Variants in CTNNA2 observed in about 807,000 individuals in gnomAD.
CTNNA2 encodes the protein catenin alpha-2.
A neutral mutation model predicts 101.0 loss-of-function variants in CTNNA2; 42 were observed. That is an observed-to-expected ratio of 0.42 (90% CI 0.32 to 0.54). The LOEUF is 0.54. Ranked by LOEUF, CTNNA2 falls within the 20% of genes least tolerant of loss-of-function variation. The pLI, the probability that CTNNA2 is intolerant of heterozygous loss-of-function variation, is 0.14. For missense variants in CTNNA2, 871 were observed against 1,223.1 expected (o/e 0.71, Z 4.29); for synonymous variants, 450 against 456.4 (o/e 0.99, Z 0.18).
chr2:80,449,089 G>A (rs543774401), intron 9 of CTNNA2, among the ~76,000 whole-genome samples: 1 of 152,186 alleles, frequency 6.6e-6, no homozygotes, highest in African/African-American at 2.4e-5. Flanking sequence ...ACAATCAGTA[G>A]CAGCCTGCTT....
chr2:79,659,797 G>C (rs1429009885), intron 2 of CTNNA2, among the ~76,000 whole-genome samples: 1 of 152,160 alleles, frequency 6.6e-6, no homozygotes, highest in African/African-American at 2.4e-5. Flanking sequence ...AGGAGTTCGA[G>C]ACCAACCTGG....
chr2:79,257,416 T>C (rs755506061), intron 2 of CTNNA2, among the ~76,000 whole-genome samples: 1 of 151,824 alleles, frequency 6.6e-6, no homozygotes, highest in African/African-American at 2.4e-5. Context: ...AATAATACTT[T>C]AATAGAACTC....
At chr2:79,745,659 C>A (rs1284415332) in intron 3 of CTNNA2, among the ~76,000 whole-genome samples, 1 of 152,102 alleles carries the variant, frequency 6.6e-6, no homozygotes, top group East Asian at 1.9e-4. Flanking sequence ...CTCTAAATAC[C>A]TCATATAAGT....
intron 7 of CTNNA2, among the ~76,000 whole-genome samples, chr2:80,157,119 T>C (rs140947568): frequency 1.3e-5 from 2 of 152,298 alleles, no homozygotes; most frequent in Non-Finnish European, 2.9e-5. Flanking sequence ...TTTTCTTTCC[T>C]TGTTGCAAAC....
At chr2:80,462,631 CTTTTT>C (rs753815778) in intron 9 of CTNNA2, among the ~76,000 whole-genome samples, 1 of 94,772 alleles carries the variant, frequency 1.1e-5, no homozygotes, top group Non-Finnish European at 1.9e-5. Context: ...TTCTTTCTTT[CTTTTT>C]TTTTTTTTTT....
At chr2:79,318,972 A>G (rs553307534) in intron 3 of CTNNA2, among the ~76,000 whole-genome samples, 17 of 152,312 alleles carry the variant, frequency 1.1e-4, no homozygotes, top group Non-Finnish European at 2.4e-4. Context: ...CAGAGCTAAT[A>G]GTCACTTAGA....
At chr2:79,925,696 A>C (rs186108853) in intron 7 of CTNNA2, among the ~76,000 whole-genome samples, 54 of 152,172 alleles carry the variant, frequency 3.5e-4, no homozygotes, top group Non-Finnish European at 4.9e-4. Flanking sequence ...TGACCAGGAG[A>C]GAGGAATGAG....
At position 80,238,288 on chromosome 2, in the gene CTNNA2, G is replaced by A. The variant is rs118052714; in HGVS notation, c.1057-154923G>A. Among the ~76,000 whole-genome samples, 34 of 152,252 alleles carry A rather than the reference G, an allele frequency of 2.2e-4. No homozygotes were observed. The East Asian group carries it at 6.4e-3, about 29-fold the overall frequency. ...GGGGCTGACAGCACGTTGTGCAGTC[G>A]AGTTCATGTAGCCACTTCCTGCACA... On this transcript the variant is annotated intron_variant, in intron 7 of 18. Coordinates refer to ENST00000402739, the MANE Select transcript of CTNNA2 (RefSeq NM_001282597.3).
chr2:79,448,112 A>G (rs555623079), intron 4 of CTNNA2, among the ~76,000 whole-genome samples: 1 of 152,208 alleles, frequency 6.6e-6, no homozygotes, highest in East Asian at 1.9e-4. Flanking sequence ...CTAGATATAT[A>G]ACACATAAAT....
At chr2:79,924,093 G>A (rs1245685018) in intron 7 of CTNNA2, among the ~76,000 whole-genome samples, 2 of 152,034 alleles carry the variant, frequency 1.3e-5, no homozygotes, top group East Asian at 1.9e-4. Context: ...AATGGATAAA[G>A]AAAATGTGAT....
intron 3 of CTNNA2, among the ~76,000 whole-genome samples, chr2:79,319,489 C>T (rs1676568354): frequency 6.6e-6 from 1 of 152,018 alleles, no homozygotes; most frequent in African/African-American, 2.4e-5. Context: ...TTTACTGCCT[C>T]CTCTGAATAT....
At chr2:80,346,096 T>G (rs985766056) in intron 7 of CTNNA2, among the ~76,000 whole-genome samples, 11 of 152,144 alleles carry the variant, frequency 7.2e-5, no homozygotes, top group African/African-American at 2.7e-4. Context: ...TCAGATCTGT[T>G]TATTTATTTT....
intron 3 of CTNNA2, among the ~76,000 whole-genome samples, chr2:79,831,501 T>A (rs550209242): frequency 3.3e-5 from 5 of 152,302 alleles, no homozygotes; most frequent in African/African-American, 1.2e-4. Flanking sequence ...TTTGTCTGTG[T>A]TGCTTCACAT....
intron 18 of CTNNA2, among the ~76,000 whole-genome samples, chr2:80,626,625 G>T (rs1671709882): frequency 6.6e-6 from 1 of 152,068 alleles, no homozygotes; most frequent in African/African-American, 2.4e-5. Context: ...GAGCAACCAA[G>T]ACAGGATGCT....
chr2:80,176,833 AG>A (rs1361757153), intron 7 of CTNNA2, among the ~76,000 whole-genome samples: 1 of 152,160 alleles, frequency 6.6e-6, no homozygotes, highest in Non-Finnish European at 1.5e-5. Flanking sequence ...ACTTAGAGGT[AG>A]GGGGAGCCCA....
At chr2:79,389,406 T>A (rs1190063984) in intron 4 of CTNNA2, among the ~76,000 whole-genome samples, 2 of 152,186 alleles carry the variant, frequency 1.3e-5, no homozygotes, top group Non-Finnish European at 2.9e-5. Context: ...ACTACTGCAC[T>A]TCACAGATAA....
intron 7 of CTNNA2, among the ~76,000 whole-genome samples, chr2:79,969,672 G>T (rs1690334788): frequency 6.6e-6 from 1 of 152,170 alleles, no homozygotes; most frequent in Non-Finnish European, 1.5e-5. Context: ...AACTTAAACA[G>T]TGGTGGTAGG....
chr2:79,695,707 G>A (rs1038384565), intron 2 of CTNNA2, among the ~76,000 whole-genome samples: 9 of 151,934 alleles, frequency 5.9e-5, no homozygotes, highest in African/African-American at 1.7e-4. Context: ...AAAAGGAGGG[G>A]CAGCATGCTG....
At chr2:79,833,572 G>A (rs1679087114) in intron 3 of CTNNA2, among the ~76,000 whole-genome samples, 1 of 152,172 alleles carries the variant, frequency 6.6e-6, no homozygotes, top group Admixed American at 6.5e-5. Context: ...GAAGGCTGGT[G>A]AGGAAAATCC....
Sources: allele counts gnomAD v4.1 joint callset (sites outside exome capture counted in the v4.1 genomes callset), GRCh38; gene constraint gnomAD v4.1.1; transcripts MANE v1.5; gene names NCBI Gene and HGNC (gene_info 2026-07-23, HGNC 2026-07-21).